LRMDA: variants seen among roughly 807,000 people sequenced by gnomAD.
LRMDA encodes the protein leucine-rich melanocyte differentiation-associated protein.
Under a neutral mutation model 29.8 loss-of-function variants are expected in LRMDA, and 18 were observed. That is an observed-to-expected ratio of 0.60 (90% CI 0.42 to 0.90). LRMDA has a LOEUF of 0.90. Ranked by LOEUF, LRMDA falls within the 40% of genes least tolerant of loss-of-function variation. The pLI, the probability that LRMDA is intolerant of heterozygous loss-of-function variation, is 0.00. For missense variants in LRMDA, 273 were observed against 273.9 expected (o/e 1.00, Z 0.02); for synonymous variants, 125 against 109.4 (o/e 1.14, Z -0.89).
intron 2 of LRMDA, among the ~76,000 whole-genome samples, chr10:75,893,806 T>G (rs1238723477): frequency 6.6e-6 from 1 of 152,000 alleles, no homozygotes; most frequent in Non-Finnish European, 1.5e-5. Flanking sequence ...TGGTGGCATG[T>G]GCCTGTAATC....
intron 2 of LRMDA, among the ~76,000 whole-genome samples, chr10:75,977,124 CT>C (rs57497935): frequency 0.23 from 31,529 of 140,076 alleles, 3,607 homozygotes; most frequent in South Asian, 0.39. Flanking sequence ...CTTTTCTTCC[CT>C]TTTTTTTTTT....
At chr10:76,125,253 G>A (rs891522353) in intron 5 of LRMDA, among the ~76,000 whole-genome samples, 1 of 152,150 alleles carries the variant, frequency 6.6e-6, no homozygotes, top group African/African-American at 2.4e-5. Flanking sequence ...TGCAGGGGTG[G>A]AGGGCTAGGG....
In LRMDA at chr10:75,556,947, A is replaced by T. The variant is rs916428640; in HGVS notation, c.131+118453A>T. Among the ~76,000 whole-genome samples, 4 of 151,234 alleles carry T rather than the reference A, an allele frequency of 2.6e-5. No individual in the cohort carries two copies. In the East Asian group the frequency reaches 7.7e-4, roughly 29 times the overall value. On this transcript the variant is annotated intron_variant, in intron 2 of 6. Transcript: ENST00000611255. ...CTTCAAAATTCTAAACTAAAATTCT[A>T]AAAAAAAACTTCAAAAGAAGGCCAG...
chr10:76,231,575 G>C (rs1172489323), intron 5 of LRMDA, among the ~76,000 whole-genome samples: 1 of 152,096 alleles, frequency 6.6e-6, no homozygotes, highest in Admixed American at 6.5e-5. Context: ...ATACCTCATC[G>C]ATGTTTTTCC....
At chr10:76,509,099 A>T (rs535918231) in intron 6 of LRMDA, among the ~76,000 whole-genome samples, 74 of 152,312 alleles carry the variant, frequency 4.9e-4, no homozygotes, top group African/African-American at 1.6e-3. Flanking sequence ...ACTCAAATAT[A>T]CGTTGAATTT....
At chr10:76,361,925 G>A in intron 6 of LRMDA, among the ~76,000 whole-genome samples, 1 of 152,162 alleles carries the variant, frequency 6.6e-6, no homozygotes, top group East Asian at 1.9e-4. Flanking sequence ...GTTAAATGCA[G>A]GGAGAAGAAG....
Position 76,560,128 on chromosome 10 carries a change from C to G in LRMDA, c.*2840C>G, listed in dbSNP as rs1042798881. 2.0e-5 allele frequency: 3 copies of G among 152,088 alleles called. No homozygotes were observed. Among genetic ancestry groups the G allele is most frequent in the Non-Finnish European group, 4.4e-5 (3 of 68,040 alleles). 9.4% of individuals were successfully genotyped at this position (152,088 alleles called of 1,614,324 possible). On this transcript the variant is annotated 3_prime_UTR_variant, in exon 7 of 7. Coordinates refer to ENST00000611255, the MANE Select transcript of LRMDA (RefSeq NM_001305581.2). ...CATGTCTGAGTGTTGTGTGTTTTCA[C>G]ATACTCATGTATACTAAGGAATAAA...
At chr10:76,143,124 C>G (rs908624483) in intron 5 of LRMDA, among the ~76,000 whole-genome samples, 1 of 152,192 alleles carries the variant, frequency 6.6e-6, no homozygotes, top group Non-Finnish European at 1.5e-5. Context: ...CAAGTCTTTG[C>G]TATTGTGAAT....
At chr10:76,362,327 G>A (rs1841322688) in intron 6 of LRMDA, among the ~76,000 whole-genome samples, 1 of 152,186 alleles carries the variant, frequency 6.6e-6, no homozygotes, top group South Asian at 2.1e-4. Context: ...GAACACTTTG[G>A]TTTCAATCTT....
intron 6 of LRMDA, among the ~76,000 whole-genome samples, chr10:76,534,321 G>T (rs183212266): frequency 6.6e-6 from 1 of 152,134 alleles, no homozygotes; most frequent in African/African-American, 2.4e-5. Flanking sequence ...TGTCACACTC[G>T]TGAAAGATAT....
At chr10:75,791,678 G>C (rs898774821) in intron 2 of LRMDA, among the ~76,000 whole-genome samples, 6 of 152,090 alleles carry the variant, frequency 3.9e-5, no homozygotes, top group Admixed American at 6.6e-5. Context: ...TATTTTCTAA[G>C]GATCTTTCTA....
intron 6 of LRMDA, among the ~76,000 whole-genome samples, chr10:76,434,817 A>G (rs760683552): frequency 1.3e-4 from 20 of 152,212 alleles, no homozygotes; most frequent in Non-Finnish European, 2.6e-4. Context: ...GAATGTGTAT[A>G]CCTACCTGTA....
chr10:75,872,716 G>A (rs994745239), intron 2 of LRMDA, among the ~76,000 whole-genome samples: 3 of 152,106 alleles, frequency 2.0e-5, no homozygotes, highest in African/African-American at 7.2e-5. Flanking sequence ...GTATTTGCCT[G>A]TTTACCTATA....
At position 76,551,414 on chromosome 10, in the gene LRMDA, T is replaced by C. The variant is rs78642253; in HGVS notation, c.602-5795T>C. 5.0e-3 allele frequency among the ~76,000 whole-genome samples: 761 copies of C among 152,320 alleles called. 3 individuals are homozygous for C. Among genetic ancestry groups the C allele is most frequent in the African/African-American group, 0.017 (716 of 41,570 alleles). ...TGTGTAAATTTTATGTACATGATTA[T>C]TTTAATGGTATTAATTTATTTAACA... is the stretch of plus-strand genomic sequence containing the variant. On this transcript the variant is annotated intron_variant, in intron 6 of 6. Transcript: ENST00000611255.
intron 5 of LRMDA, among the ~76,000 whole-genome samples, chr10:76,279,474 A>G (rs1396314632): frequency 6.6e-6 from 1 of 151,936 alleles, no homozygotes; most frequent in Non-Finnish European, 1.5e-5. Flanking sequence ...GGATAAGAAT[A>G]TGAGATTTAC....
intron 2 of LRMDA, among the ~76,000 whole-genome samples, chr10:75,636,502 CACT>C (rs1157877032): frequency 1.3e-5 from 2 of 152,178 alleles, no homozygotes; most frequent in African/African-American, 4.8e-5. Flanking sequence ...ATATCATTAT[CACT>C]ACTTGGGCAA....
At chr10:75,600,179 A>C (rs924877826) in intron 2 of LRMDA, among the ~76,000 whole-genome samples, 2 of 151,998 alleles carry the variant, frequency 1.3e-5, no homozygotes, top group African/African-American at 4.8e-5. Flanking sequence ...TTTCCCCCCA[A>C]GTAAGTCTGT....
intron 6 of LRMDA, chr10:76,556,575 G>A (rs759620623): frequency 2.0e-5 from 3 of 152,176 alleles, no homozygotes; most frequent in South Asian, 2.1e-4. Flanking sequence ...AGATGGTCTC[G>A]ATCTCCTGAC....
intron 2 of LRMDA, among the ~76,000 whole-genome samples, chr10:76,020,020 C>T (rs562920383): frequency 1.3e-5 from 2 of 152,324 alleles, no homozygotes; most frequent in East Asian, 1.9e-4. Context: ...GGAATCTGAG[C>T]CCAGATAAGG....
Sources: gnomAD v4.1 joint callset for allele counts (sites outside exome capture counted in the v4.1 genomes callset) on GRCh38, gnomAD v4.1.1 for gene constraint, MANE v1.5 for transcripts, NCBI Gene and HGNC (gene_info 2026-07-23, HGNC 2026-07-21) for gene names.